Variants in HIP1 observed in about 807,000 individuals in gnomAD.
HIP1 encodes huntingtin-interacting protein 1.
In HIP1, 65 loss-of-function variants were observed where a neutral mutation model predicts 147.6. The ratio of observed to expected loss-of-function variants is 0.44; its 90% CI spans 0.36 to 0.54. The LOEUF is 0.54. Ranked by LOEUF, HIP1 falls within the 20% of genes least tolerant of loss-of-function variation. HIP1 has a pLI of 0.00. For synonymous variants in HIP1, 479 were observed against 504.0 expected (o/e 0.95, Z 0.67); for missense variants, 1,061 against 1,299.6 (o/e 0.82, Z 2.82).
intron 5 of HIP1, among the ~76,000 whole-genome samples, chr7:75,585,413 C>G (rs587705994): frequency 1.3e-5 from 2 of 152,016 alleles, no homozygotes; most frequent in African/African-American, 4.8e-5. Flanking sequence ...AGACCTCAGA[C>G]GATCCGCCCG....
At position 75,559,908 on chromosome 7, in the gene HIP1, C is replaced by T. The variant is rs782052218; in HGVS notation, c.1199G>A (p.Arg400Gln). The part of the protein sequence containing the change: ...QLENMKTESQ[R>Q]VVLQLKGHVS... ...GTGGCCCTTCAGCTGCAGCACAACC[C>T]GCTGGCTCTGTGGGGGGACTCCGGT... The change falls in exon 14 of 31, where the codon CGG becomes CAG. Residue 400 changes from arginine to glutamine, a missense_variant. Arg to Gln is a conservative substitution (Grantham distance 43). Around this residue, in one of 3 missense-constraint regions of HIP1, gnomAD observed 810 missense variants for 946.8 expected, o/e 0.86. Transcript: ENST00000336926. 37 of 1,601,636 alleles carry T rather than the reference C, an allele frequency of 2.3e-5. No homozygotes were observed. Among genetic ancestry groups the T allele is most frequent in the Non-Finnish European group, 3.1e-5 (36 of 1,175,642 alleles).
chr7:75,688,506 G>A (rs1554517816), intron 1 of HIP1, among the ~76,000 whole-genome samples: 2 of 152,106 alleles, frequency 1.3e-5, no homozygotes, highest in Admixed American at 6.6e-5. Context: ...AGTGCAGCCC[G>A]GCTGACAGGA....
intron 1 of HIP1, among the ~76,000 whole-genome samples, chr7:75,694,670 T>C (rs1395129576): frequency 3.3e-5 from 4 of 119,412 alleles, no homozygotes; most frequent in Non-Finnish European, 5.0e-5. Flanking sequence ...CCACCACACC[T>C]GGCTACTTTT....
Position 75,547,010 on chromosome 7 carries a change from G to C in HIP1, c.2488C>G (p.Leu830Val). Residue 830 changes from leucine to valine, a missense_variant, in exon 25 of 31, where the codon CTC (leucine) becomes GTC (valine). Leu to Val is a conservative substitution (Grantham distance 32). Coordinates refer to ENST00000336926, the MANE Select transcript of HIP1 (RefSeq NM_005338.7). ...NERILGCCTS[L>V]MQAIQVLIVA... ...ATGAGCACCTGAATAGCTTGCATGAGGCTGGTACAGCAACCAAGGATCCTG... is the reference window on the plus strand; with the variant it reads ...ATGAGCACCTGAATAGCTTGCATGACGCTGGTACAGCAACCAAGGATCCTG... 1 of 1,585,332 alleles carries C rather than the reference G, an allele frequency of 6.3e-7. No homozygotes were observed. The highest frequency in any genetic ancestry group is 8.6e-7 in the Non-Finnish European group (1 of 1,164,690).
chr7:75,696,984 C>G (rs76242467), intron 1 of HIP1, among the ~76,000 whole-genome samples: 2 of 151,570 alleles, frequency 1.3e-5, no homozygotes, highest in South Asian at 4.2e-4. Context: ...TTCTGCCTTC[C>G]CAAGGATTTT....
intron 1 of HIP1, among the ~76,000 whole-genome samples, chr7:75,610,100 G>A (rs1427747156): frequency 4.0e-5 from 6 of 150,868 alleles, no homozygotes; most frequent in East Asian, 2.0e-4. Context: ...ACAGGGTTTC[G>A]CCATGTTGGC....
intron 1 of HIP1, among the ~76,000 whole-genome samples, chr7:75,631,219 C>T (rs948693321): frequency 6.6e-6 from 1 of 152,092 alleles, no homozygotes; most frequent in Admixed American, 6.6e-5. Context: ...AGTGATCCTC[C>T]CGCCTTAGCC....
chr7:75,664,715 G>A (rs1380245619), intron 1 of HIP1, among the ~76,000 whole-genome samples: 1 of 152,036 alleles, frequency 6.6e-6, no homozygotes, highest in Admixed American at 6.6e-5. Flanking sequence ...CTGCCTCCCA[G>A]GTTCAAGCAA....
intron 27 of HIP1, among the ~76,000 whole-genome samples, chr7:75,543,398 C>T (rs193070313): frequency 2.6e-5 from 4 of 152,100 alleles, no homozygotes; most frequent in Non-Finnish European, 5.9e-5. Context: ...GTTGCTCAGG[C>T]TGGAGTGCAA....
chr7:75,554,110 C>G lies in HIP1; in HGVS notation c.2158+3G>C. The G allele has an allele frequency of 1.2e-6, 2 of 1,612,090 alleles. No individual in the cohort carries two copies. Among genetic ancestry groups the G allele is most frequent in the Non-Finnish European group, 1.7e-6 (2 of 1,178,418 alleles). On this transcript the variant is annotated splice_donor_region_variant and intron_variant, in intron 21 of 30. Coordinates refer to ENST00000336926, the MANE Select transcript of HIP1 (RefSeq NM_005338.7). ...GAACAGCCCCTCATGCCCCGGTACT[C>G]ACAGTCGGCAGGCTCAGGTGGGGCT... is the stretch of plus-strand genomic sequence containing the variant.
chr7:75,675,156 A>G (rs1799852907), intron 1 of HIP1, among the ~76,000 whole-genome samples: 1 of 152,102 alleles, frequency 6.6e-6, no homozygotes, highest in African/African-American at 2.4e-5. Context: ...CAATTGGCCT[A>G]TCTTTAAATT....
chr7:75,573,614 A>G (rs1795729107), intron 8 of HIP1, 147 bp downstream of exon 8: 4 of 773,778 alleles, frequency 5.2e-6, no homozygotes, highest in East Asian at 2.7e-5. Flanking sequence ...TTATCCTCAC[A>G]ATGGTCAGAA....
chr7:75,583,575 C>T (rs1403325131), intron 5 of HIP1, among the ~76,000 whole-genome samples: 1 of 151,886 alleles, frequency 6.6e-6, no homozygotes, highest in Non-Finnish European at 1.5e-5. Flanking sequence ...GGGAAACCAG[C>T]TCTCTCTTGT....
At chr7:75,667,512 G>A (rs782807821) in intron 1 of HIP1, among the ~76,000 whole-genome samples, 1 of 152,178 alleles carries the variant, frequency 6.6e-6, no homozygotes, top group African/African-American at 2.4e-5. Flanking sequence ...TGGAGGCAGG[G>A]TCTCCCTCTG....
chr7:75,644,781 C>T (rs1798752838), intron 1 of HIP1, among the ~76,000 whole-genome samples: 1 of 152,146 alleles, frequency 6.6e-6, no homozygotes, highest in Non-Finnish European at 1.5e-5. Flanking sequence ...TGAGTGATTC[C>T]TCATCTCCCC....
chr7:75,650,170 G>A (rs1332792598), intron 1 of HIP1, among the ~76,000 whole-genome samples: 1 of 152,166 alleles, frequency 6.6e-6, no homozygotes, highest in Non-Finnish European at 1.5e-5. Context: ...CAGGCAGGCT[G>A]CGGGAGGCCA....
chr7:75,582,665 C>G (rs1474917676), intron 5 of HIP1, among the ~76,000 whole-genome samples: 2 of 152,068 alleles, frequency 1.3e-5, no homozygotes, highest in Non-Finnish European at 2.9e-5. Context: ...CAAAAATTAG[C>G]CGGGTGTGGT....
intron 1 of HIP1, among the ~76,000 whole-genome samples, chr7:75,663,984 GTATA>G (rs782429323): frequency 0.011 from 85 of 7,782 alleles, 10 homozygotes; most frequent in Middle Eastern, 0.12. Context: ...ACATATATGT[GTATA>G]TATATACACA....
intron 30 of HIP1, among the ~76,000 whole-genome samples, chr7:75,538,570 CTT>C (rs67030357): frequency 5.3e-5 from 6 of 112,928 alleles, no homozygotes; most frequent in Non-Finnish European, 7.4e-5. Flanking sequence ...CTGATCCCTT[CTT>C]TTTTTTTTTT....
Sources: allele counts gnomAD v4.1 joint callset (sites outside exome capture counted in the v4.1 genomes callset), GRCh38; gene constraint gnomAD v4.1.1; regional missense constraint gnomAD v4.1.1; transcripts MANE v1.5; gene names NCBI Gene and HGNC (gene_info 2026-07-23, HGNC 2026-07-21).